DDX4: variants seen among roughly 807,000 people sequenced by gnomAD.
DDX4 encodes DEAD-box helicase 4.
In DDX4, 25 loss-of-function variants were observed where a neutral mutation model predicts 100.0. The observed-to-expected ratio is 0.25, with a 90% CI of 0.18 to 0.35. The LOEUF is 0.35. DDX4 is among the 10% of genes least tolerant of loss of function. The pLI, the probability that DDX4 is intolerant of heterozygous loss-of-function variation, is 1.00. For missense variants in DDX4, 635 were observed against 882.4 expected, an observed-to-expected ratio of 0.72 and a Z score of 3.55; for synonymous variants, 259 against 275.7, an observed-to-expected ratio of 0.94 and a Z score of 0.60.
At chr5:55,810,630 T>C (rs1744068888) in intron 18 of DDX4, among the ~76,000 whole-genome samples, 1 of 152,150 alleles carries the variant, frequency 6.6e-6, no homozygotes, top group African/African-American at 2.4e-5. Flanking sequence ...TTTTCTGGTT[T>C]GACAACTCTT....
At position 55,746,142 on chromosome 5, in the gene DDX4, TTTTC is replaced by T. The variant is rs778492206; in HGVS notation, c.70-15_70-12del. On this transcript the variant is annotated intron_variant, in intron 2 of 21. Transcript: ENST00000505374. ...TCATATTCAAAGTAGGAAACTAGTT[TTTTC>T]TTTCTTCTTTCTCACAGGATAGGTA... is the stretch of plus-strand genomic sequence containing the variant. 27 of 1,584,456 alleles carry T rather than the reference TTTTC, an allele frequency of 1.7e-5. 1 individual carries two copies. In the South Asian group the frequency reaches 1.9e-4, roughly 11 times the overall value.
At chr5:55,806,079 C>A (rs1246291144) in intron 18 of DDX4, among the ~76,000 whole-genome samples, 2 of 152,162 alleles carry the variant, frequency 1.3e-5, no homozygotes, top group Admixed American at 1.3e-4. Context: ...ATGAATTTAT[C>A]CATTTCTTCT....
intron 21 of DDX4, among the ~76,000 whole-genome samples, chr5:55,815,678 A>T (rs568292491): frequency 1.5e-4 from 23 of 152,078 alleles, no homozygotes; most frequent in Non-Finnish European, 2.4e-4. Context: ...AATCTTTTAA[A>T]CTTCTGATGG....
intron 17 of DDX4, among the ~76,000 whole-genome samples, chr5:55,796,202 G>A (rs1328627979): frequency 6.6e-6 from 1 of 152,188 alleles, no homozygotes; most frequent in South Asian, 2.1e-4. Context: ...TTGAGGGTGG[G>A]CCTTCTTCTC....
chr5:55,816,340 A>T, intron 21 of DDX4, 123 bp from the exon 22 acceptor site: 1 of 1,385,158 alleles, frequency 7.2e-7, no homozygotes, highest in East Asian at 2.6e-5. Flanking sequence ...TTCTTTGATT[A>T]TTTGGGGAAG....
chr5:55,786,592 T>G lies in DDX4; in HGVS notation c.939T>G (p.Pro313=). 2.5e-6 allele frequency: 4 copies of G among 1,612,636 alleles called. No individual in the cohort carries two copies. The highest frequency in any genetic ancestry group is 3.4e-6 in the Non-Finnish European group (4 of 1,178,676). Residue 313 remains proline (P), a synonymous_variant, in exon 14 of 22, where the codon CCT becomes CCG. Transcript: ENST00000505374. ...IAKAGYTKLT[P]VQKYSIPIIL... ...AAGCTGGTTATACTAAGCTTACTCC[T>G]GTGCAAAAATACAGTATTCCTATCA...
At chr5:55,785,159 A>G in intron 10 of DDX4, 138 bp from the exon 11 acceptor site, 1 of 685,390 alleles carries the variant, frequency 1.5e-6, no homozygotes, top group Admixed American at 2.5e-5. Context: ...ACAAGGTTCT[A>G]TTTAATTGTT....
At chr5:55,740,845 C>T (rs942245098) in intron 2 of DDX4, among the ~76,000 whole-genome samples, 20 of 152,206 alleles carry the variant, frequency 1.3e-4, no homozygotes. Flanking sequence ...TTGAATCCAT[C>T]TTTCTTGACA....
intron 2 of DDX4, among the ~76,000 whole-genome samples, chr5:55,743,775 A>T (rs1759107619): frequency 6.6e-6 from 1 of 152,054 alleles, no homozygotes; most frequent in African/African-American, 2.4e-5. Context: ...ATTATTTTTG[A>T]TGTATTTTTT....
intron 18 of DDX4, among the ~76,000 whole-genome samples, chr5:55,808,788 G>C (rs1223022615): frequency 1.3e-5 from 2 of 152,212 alleles, no homozygotes; most frequent in African/African-American, 4.8e-5. Flanking sequence ...GAGGCAGTCT[G>C]TCCCTTCTCA....
intron 15 of DDX4, among the ~76,000 whole-genome samples, chr5:55,789,557 G>C (rs1224936736): frequency 6.6e-6 from 1 of 152,210 alleles, no homozygotes; most frequent in Non-Finnish European, 1.5e-5. Context: ...AGTCCCAGAA[G>C]TCACACATTG....
At chr5:55,805,456 G>A (rs1159919801) in intron 18 of DDX4, among the ~76,000 whole-genome samples, 4 of 151,290 alleles carry the variant, frequency 2.6e-5, no homozygotes, top group Admixed American at 2.6e-4. Context: ...TATTGGCTGT[G>A]GGTTTGTCAT....
intron 7 of DDX4, among the ~76,000 whole-genome samples, chr5:55,773,697 T>C (rs1264936603): frequency 6.6e-6 from 1 of 152,156 alleles, no homozygotes; most frequent in East Asian, 1.9e-4. Flanking sequence ...CAATTTCGGC[T>C]CACTGCAGCC....
At chr5:55,804,297 C>G (rs2112138776) in intron 18 of DDX4, among the ~76,000 whole-genome samples, 1 of 151,816 alleles carries the variant, frequency 6.6e-6, no homozygotes, top group Admixed American at 6.6e-5. Flanking sequence ...ATGGTAGTTT[C>G]TTTTGCTGTG....
At chr5:55,738,891 A>G in intron 1 of DDX4, 59 bp from the exon 2 acceptor site, 2 of 968,948 alleles carry the variant, frequency 2.1e-6, no homozygotes, top group Middle Eastern at 2.1e-4. Context: ...TTATGCTTTT[A>G]AAGTTATGAT....
intron 7 of DDX4, among the ~76,000 whole-genome samples, chr5:55,778,635 T>C (rs1021518355): frequency 1.4e-4 from 22 of 152,208 alleles, no homozygotes; most frequent in African/African-American, 5.1e-4. Flanking sequence ...GGCTCACGCC[T>C]GTAATCCCAG....
chr5:55,743,904 A>G (rs1350826950), intron 2 of DDX4, among the ~76,000 whole-genome samples: 4 of 145,818 alleles, frequency 2.7e-5, no homozygotes, highest in African/African-American at 1.0e-4. Context: ...ACACTTGTAA[A>G]ACCAGCCTTT....
intron 5 of DDX4, 79 bp from the exon 6 acceptor site, chr5:55,763,935 T>C (rs1740727493): frequency 2.1e-6 from 2 of 964,712 alleles, no homozygotes; most frequent in African/African-American, 3.2e-5. Context: ...TTAGAAGGCA[T>C]CATAACTAGT....
chr5:55,744,850 A>G (rs796414862), intron 2 of DDX4, among the ~76,000 whole-genome samples: 3 of 151,886 alleles, frequency 2.0e-5, no homozygotes, highest in South Asian at 4.2e-4. Flanking sequence ...CCATAAGTGA[A>G]TTTACTTTAC....
Sources: allele counts gnomAD v4.1 joint callset (sites outside exome capture counted in the v4.1 genomes callset), GRCh38; gene constraint gnomAD v4.1.1; transcripts MANE v1.5; gene names NCBI Gene and HGNC (gene_info 2026-07-23, HGNC 2026-07-21).